Variants in SRCIN1 observed in about 807,000 individuals in gnomAD.
SRCIN1 encodes P130Cas-associated protein.
A neutral mutation model predicts 116.2 loss-of-function variants in SRCIN1; 50 were observed. The ratio of observed to expected loss-of-function variants is 0.43; its 90% CI spans 0.34 to 0.54. The LOEUF (loss-of-function observed/expected upper bound fraction) is 0.54, where lower values mean the gene tolerates loss of function less well. SRCIN1 is among the 20% of genes least tolerant of loss of function. The probability of loss-of-function intolerance (pLI) is 0.02; values close to 1 mark genes in which losing one functional copy is unlikely to be tolerated. For synonymous variants in SRCIN1, 736 were observed against 750.0 expected (o/e 0.98, Z 0.30); for missense variants, 1,446 against 1,672.0 (o/e 0.86, Z 2.36).
At chr17:38,569,645 C>T (rs897034232) in intron 2 of SRCIN1, among the ~76,000 whole-genome samples, 11 of 152,148 alleles carry the variant, frequency 7.2e-5, no homozygotes, top group African/African-American at 2.7e-4. Context: ...ATCCTTCCCC[C>T]AGCATTCACG....
At chr17:38,578,422 G>A (rs1907551294) in intron 2 of SRCIN1, 68 bp downstream of exon 2, 1 of 1,486,146 alleles carries the variant, frequency 6.7e-7, no homozygotes, top group Non-Finnish European at 9.0e-7. Context: ...ACGGAGCACG[G>A]GGTCAGACCT....
intron 17 of SRCIN1, among the ~76,000 whole-genome samples, chr17:38,547,474 A>C (rs1399639309): frequency 6.6e-6 from 1 of 152,166 alleles, no homozygotes; most frequent in Non-Finnish European, 1.5e-5. Context: ...TCAGGCCTCC[A>C]TCAGCAAGCC....
Position 38,545,853 on chromosome 17 carries a change from A to G in SRCIN1, c.3271-1884T>C, listed in dbSNP as rs147681322. On this transcript the variant is annotated intron_variant, in intron 17 of 18. Transcript: ENST00000617146. ...TCGCTGGGCATGTTGTGAGTGCTTC[A>G]TAAATATTAGCTATTTGTTGAAATG... Among the ~76,000 whole-genome samples, 166 of 152,334 alleles carry G rather than the reference A, an allele frequency of 1.1e-3. No homozygotes were observed. In the East Asian group the frequency reaches 0.024, roughly 22 times the overall value.
At chr17:38,559,437 T>A (rs1906048804) in intron 10 of SRCIN1, 148 bp downstream of exon 10, 1 of 785,508 alleles carries the variant, frequency 1.3e-6, no homozygotes. Context: ...GAGAAAGGGT[T>A]CGGAGAGAGG....
At chr17:38,593,062 A>T (rs1256966738) in intron 1 of SRCIN1, among the ~76,000 whole-genome samples, 1 of 152,122 alleles carries the variant, frequency 6.6e-6, no homozygotes, top group East Asian at 1.9e-4. Flanking sequence ...GGGCTTAGTT[A>T]TGTCCAGAAC....
At chr17:38,535,664 G>C (rs1848343624) in intron 18 of SRCIN1, among the ~76,000 whole-genome samples, 1 of 152,142 alleles carries the variant, frequency 6.6e-6, no homozygotes, top group Non-Finnish European at 1.5e-5. Context: ...CCTGGGCCTG[G>C]AGACAAACTC....
At chr17:38,584,185 C>G (rs960969966) in intron 1 of SRCIN1, among the ~76,000 whole-genome samples, 68 of 152,224 alleles carry the variant, frequency 4.5e-4, no homozygotes, top group African/African-American at 1.4e-3. Context: ...GCAGGGAACT[C>G]TGGGGGAAGG....
At chr17:38,580,166 A>C (rs1030988084) in intron 1 of SRCIN1, among the ~76,000 whole-genome samples, 6 of 151,028 alleles carry the variant, frequency 4.0e-5, no homozygotes, top group African/African-American at 1.2e-4. Context: ...TCCTCCCGCC[A>C]AGCATCCACT....
In SRCIN1 at chr17:38,604,753, G is replaced by A. The variant is rs1166078968; in HGVS notation, c.22+931C>T. On this transcript the variant is annotated intron_variant, in intron 1 of 18. Transcript: ENST00000617146. The surrounding 1 kb of genome is among the most constrained non-coding windows in gnomAD (Gnocchi z 4.3). The stretch of plus-strand genomic sequence containing the variant: ...GACAGGACTCGGAGCTGGCCCGGGA[G>A]CTTCTGACGTAGCAGGGGGGTGCGT... 1 of 293,950 alleles carries A rather than the reference G, an allele frequency of 3.4e-6. No individual in the cohort carries two copies. Among genetic ancestry groups the A allele is most frequent in the Non-Finnish European group, 6.6e-6 (1 of 150,386 alleles). 18.2% of individuals were successfully genotyped at this position (293,950 alleles called of 1,614,324 possible). A position where few individuals can be genotyped will look rare whatever the true frequency, so the allele number is the denominator to read the frequency against.
At chr17:38,537,525 C>T (rs950147670) in intron 18 of SRCIN1, among the ~76,000 whole-genome samples, 2 of 152,020 alleles carry the variant, frequency 1.3e-5, no homozygotes, top group South Asian at 4.1e-4. Context: ...GGCTCTGTGG[C>T]TCATGCCTGT....
intron 2 of SRCIN1, among the ~76,000 whole-genome samples, chr17:38,578,249 G>C (rs1418725707): frequency 1.3e-5 from 2 of 152,156 alleles, no homozygotes; most frequent in Non-Finnish European, 2.9e-5. Context: ...CTCGATTTCC[G>C]GACTGCAGGC....
At chr17:38,543,589 G>T (rs990366587) in intron 18 of SRCIN1, among the ~76,000 whole-genome samples, 1 of 152,202 alleles carries the variant, frequency 6.6e-6, no homozygotes, top group African/African-American at 2.4e-5. Flanking sequence ...CTCCTGAGAG[G>T]GGAGGTGCCT....
In SRCIN1 at chr17:38,552,606, G is replaced by A. The variant is rs368335461; in HGVS notation, c.2333-12C>T. On this transcript the variant is annotated splice_polypyrimidine_tract_variant and intron_variant, in intron 12 of 18. Transcript: ENST00000617146. The surrounding 1 kb of genome is among the most constrained non-coding windows in gnomAD (Gnocchi z 5.3). Reference sequence around the variant, plus strand: ...GCCCGGGAAGTGAGCTGAGGAGACAGGAAGGCATGAGCTGGGGCCAGAGGG... The same window carrying A: ...GCCCGGGAAGTGAGCTGAGGAGACAAGAAGGCATGAGCTGGGGCCAGAGGG... 8.1e-6 allele frequency: 13 copies of A among 1,612,428 alleles called. No individual in the cohort carries two copies. The African/African-American group carries it at 1.7e-4, about 22-fold the overall frequency.
chr17:38,606,481 G>A (rs1175985997), upstream of SRCIN1, among the ~76,000 whole-genome samples: 1 of 152,076 alleles, frequency 6.6e-6, no homozygotes, highest in Non-Finnish European at 1.5e-5. The surrounding 1 kb of genome is among the most constrained non-coding windows in gnomAD (Gnocchi z 5.2). Context: ...GCGCCTAGAC[G>A]CGGCTCGGTC....
rs890944156 is a variant in SRCIN1 at position 38,603,316 on chromosome 17, C to G, written c.22+2368G>C. ...TGCACATCTTTAAGACGCCTGGAAC[C>G]CAGCAGGGATGAGGCCACGAAGACC... On this transcript the variant is annotated intron_variant, in intron 1 of 18. Transcript: ENST00000617146. 4.6e-5 allele frequency among the ~76,000 whole-genome samples: 7 copies of G among 151,768 alleles called. No individual in the cohort carries two copies. In the East Asian group the frequency reaches 1.4e-3, roughly 30 times the overall value.
chr17:38,599,871 C>T (rs1360772512), intron 1 of SRCIN1, among the ~76,000 whole-genome samples: 1 of 152,150 alleles, frequency 6.6e-6, no homozygotes, highest in Non-Finnish European at 1.5e-5. Context: ...CCCTCCAAGT[C>T]CTCATCCTCT....
chr17:38,568,281 G>A lies in SRCIN1; in HGVS notation c.325-50C>T. ...ATGGTTATGAGGGGGCCCAGGAGGG[G>A]AAAAGAGGGGCAGGGGCAGGTTAGA... On this transcript the variant is annotated intron_variant, in intron 2 of 18. Coordinates refer to ENST00000617146, the MANE Select transcript of SRCIN1 (RefSeq NM_025248.3). This position sits in a 1 kb window ranked among gnomAD's most constrained non-coding sequence, Gnocchi z 4.5. 2 of 1,596,228 alleles carry A rather than the reference G, an allele frequency of 1.3e-6. No homozygotes were observed. The highest frequency in any genetic ancestry group is 1.7e-6 in the Non-Finnish European group (2 of 1,167,974).
Position 38,563,970 on chromosome 17 carries a change from C to T in SRCIN1, c.541+148G>A. The T allele has an allele frequency of 1.2e-6, 1 of 864,662 alleles. No individual in the cohort carries two copies. Among genetic ancestry groups the T allele is most frequent in the South Asian group, 1.7e-5 (1 of 60,524 alleles). 53.6% of individuals were successfully genotyped at this position (864,662 alleles called of 1,614,324 possible). A position where few individuals can be genotyped will look rare whatever the true frequency, so the allele number is the denominator to read the frequency against. On this transcript the variant is annotated intron_variant, in intron 4 of 18. Coordinates refer to ENST00000617146, the MANE Select transcript of SRCIN1 (RefSeq NM_025248.3). This position sits in a 1 kb window ranked among gnomAD's most constrained non-coding sequence, Gnocchi z 5.8. ...GAGGGCGAGAGAGAGATGGAGAGAG[C>T]TGGGGTTGCTTGGGGAGAAGGGGCT... is the stretch of plus-strand genomic sequence containing the variant.
Position 38,558,433 on chromosome 17 carries a change from T to G in SRCIN1, c.2026-31A>C, listed in dbSNP as rs1567862568. On this transcript the variant is annotated intron_variant, in intron 10 of 18. Coordinates refer to ENST00000617146, the MANE Select transcript of SRCIN1 (RefSeq NM_025248.3). This position sits in a 1 kb window ranked among gnomAD's most constrained non-coding sequence, Gnocchi z 4.6. ...GGACGCACGGACGGATGGACCCGGG[T>G]GGGGGGAGCGGAGCCGCGAGGCAGG... 2 of 1,559,642 alleles carry G rather than the reference T, an allele frequency of 1.3e-6. No homozygotes were observed. Among genetic ancestry groups the G allele is most frequent in the Admixed American group, 1.9e-5 (1 of 51,830 alleles).
Sources: gnomAD v4.1 joint callset for allele counts (sites outside exome capture counted in the v4.1 genomes callset) on GRCh38, gnomAD v4.1.1 for gene constraint, Gnocchi (gnomAD v3.1) non-coding constraint, MANE v1.5 for transcripts, NCBI Gene and HGNC (gene_info 2026-07-23, HGNC 2026-07-21) for gene names.